The following SAMTOR variants were observed in gnomAD, a reference collection of about 807,000 sequenced individuals.
The protein encoded by SAMTOR is S-adenosylmethionine sensor upstream of mTORC1.
chr7:112,880,847 C>T, the SAMTOR span, among the ~76,000 whole-genome samples: 1 of 152,158 alleles, frequency 6.6e-6, no homozygotes, highest in Non-Finnish European at 1.5e-5. Flanking sequence ...TTGATGGCAG[C>T]GGTAGCCTGT....
the SAMTOR span, among the ~76,000 whole-genome samples, chr7:112,919,646 T>C: frequency 5.9e-5 from 9 of 151,806 alleles, no homozygotes; most frequent in African/African-American, 1.9e-4. Flanking sequence ...TTCAAAAAAT[T>C]AATGAATCCA....
chr7:112,865,667 C>CATACATATATTCATATATTTTTTTCATAT, the SAMTOR span, among the ~76,000 whole-genome samples: 1 of 92,936 alleles, frequency 1.1e-5, no homozygotes, highest in African/African-American at 5.2e-5. Flanking sequence ...ATATTTCATA[C>CATACATATATTCATATATTTTTTTCATAT]ATACATATAT....
the SAMTOR span, among the ~76,000 whole-genome samples, chr7:112,927,281 GT>G: frequency 1.3e-5 from 2 of 151,910 alleles, no homozygotes. Context: ...TTATCACTTA[GT>G]TATTAGGTCA....
chr7:112,915,169 T>A, the SAMTOR span: 1 of 663,578 alleles, frequency 1.5e-6, no homozygotes, highest in South Asian at 2.6e-5. Flanking sequence ...ACCCGGGAGG[T>A]GGAGGTTGCA....
the SAMTOR span, chr7:112,820,200 A>G: frequency 6.6e-6 from 1 of 152,514 alleles, no homozygotes; most frequent in Non-Finnish European, 1.5e-5. Flanking sequence ...CTGGGTACAT[A>G]CACTCAACCA....
At chr7:112,900,509 G>A in the SAMTOR span, among the ~76,000 whole-genome samples, 3 of 152,092 alleles carry the variant, frequency 2.0e-5, no homozygotes, top group Non-Finnish European at 4.4e-5. Context: ...AATAATGTTC[G>A]GCCAAATATC....
At chr7:112,864,402 G>C in the SAMTOR span, among the ~76,000 whole-genome samples, 11 of 152,062 alleles carry the variant, frequency 7.2e-5, no homozygotes, top group Non-Finnish European at 1.5e-4. Flanking sequence ...AAAAAATCTG[G>C]CATTTGGACA....
the SAMTOR span, among the ~76,000 whole-genome samples, chr7:112,874,677 A>T: frequency 6.6e-6 from 1 of 152,166 alleles, no homozygotes; most frequent in East Asian, 1.9e-4. Flanking sequence ...GTTGAATTAA[A>T]TATAAACTTA....
the SAMTOR span, among the ~76,000 whole-genome samples, chr7:112,920,149 AAG>A: frequency 6.6e-6 from 1 of 152,232 alleles, no homozygotes; most frequent in African/African-American, 2.4e-5. Context: ...ACAACCAAAA[AAG>A]AGAATTTTAG....
the SAMTOR span, among the ~76,000 whole-genome samples, chr7:112,905,835 C>A: frequency 6.6e-6 from 1 of 151,982 alleles, no homozygotes; most frequent in African/African-American, 2.4e-5. Flanking sequence ...AATGAAAATA[C>A]ACCACATACA....
At chr7:112,871,044 T>G in the SAMTOR span, among the ~76,000 whole-genome samples, 1 of 152,130 alleles carries the variant, frequency 6.6e-6, no homozygotes, top group Non-Finnish European at 1.5e-5. Flanking sequence ...ATTACTTCTA[T>G]AGTCAGGAAA....
the SAMTOR span, among the ~76,000 whole-genome samples, chr7:112,897,732 C>T: frequency 2.0e-5 from 3 of 152,098 alleles, no homozygotes; most frequent in Admixed American, 1.3e-4. Context: ...AGTCAGATGA[C>T]GACTGCATAA....
the SAMTOR span, among the ~76,000 whole-genome samples, chr7:112,921,151 C>A: frequency 6.6e-6 from 1 of 152,104 alleles, no homozygotes; most frequent in South Asian, 2.1e-4. Flanking sequence ...CAACCCTAAG[C>A]CAAAAGAACA....
chr7:112,848,974 G>A, the SAMTOR span, among the ~76,000 whole-genome samples: 56 of 151,692 alleles, frequency 3.7e-4, no homozygotes, highest in African/African-American at 1.3e-3. Context: ...GCTTTAACCC[G>A]GGAGGCAGAG....
At chr7:112,836,138 T>C in the SAMTOR span, among the ~76,000 whole-genome samples, 1 of 152,028 alleles carries the variant, frequency 6.6e-6, no homozygotes, top group African/African-American at 2.4e-5. Flanking sequence ...TCTGCAACCT[T>C]GCCAGCAGCT....
the SAMTOR span, chr7:112,939,300 AGAC>A: frequency 2.1e-6 from 1 of 476,506 alleles, no homozygotes; most frequent in East Asian, 4.0e-5. Flanking sequence ...GTGTGTGCCG[AGAC>A]AACAACCTCA....
the SAMTOR span, among the ~76,000 whole-genome samples, chr7:112,880,739 T>C: frequency 2.0e-5 from 3 of 152,218 alleles, no homozygotes; most frequent in Non-Finnish European, 4.4e-5. Context: ...TCAATATATT[T>C]GTATATATAT....
chr7:112,922,723 C>T, the SAMTOR span, among the ~76,000 whole-genome samples: 1 of 151,442 alleles, frequency 6.6e-6, no homozygotes, highest in Non-Finnish European at 1.5e-5. Flanking sequence ...CGCCCGGCAG[C>T]CGCCCTGTCT....
chr7:112,868,157 G>T, the SAMTOR span, among the ~76,000 whole-genome samples: 1 of 152,158 alleles, frequency 6.6e-6, no homozygotes, highest in Non-Finnish European at 1.5e-5. Context: ...TGCTGCTCAA[G>T]AACACCTTAC....
Sources: gnomAD v4.1 joint callset for allele counts (sites outside exome capture counted in the v4.1 genomes callset) on GRCh38, gnomAD v4.1.1 for gene constraint, MANE v1.5 for transcripts, NCBI Gene and HGNC (gene_info 2026-07-23, HGNC 2026-07-21) for gene names.